TNKS: variants seen among roughly 807,000 people sequenced by gnomAD.
The protein encoded by TNKS is poly [ADP-ribose] polymerase tankyrase-1.
A neutral mutation model predicts 135.8 loss-of-function variants in TNKS; 72 were observed. That is an observed-to-expected ratio of 0.53 (90% confidence interval 0.44 to 0.64). The LOEUF is 0.64. Among genes scored for constraint, TNKS ranks in the 30% least tolerant of loss-of-function variants. TNKS has a pLI of 0.00. For synonymous variants in TNKS, 849 were observed against 649.3 expected (o/e 1.31, Z -4.68); for missense variants, 1,769 against 1,674.0 (o/e 1.06, Z -0.99).
intron 3 of TNKS, among the ~76,000 whole-genome samples, chr8:9,675,702 G>C (rs1163694637): frequency 6.6e-6 from 1 of 152,108 alleles, no homozygotes; most frequent in Non-Finnish European, 1.5e-5. Context: ...ATTACTATTT[G>C]TTACTCTCTC....
intron 3 of TNKS, among the ~76,000 whole-genome samples, chr8:9,655,921 G>C (rs1354960038): frequency 6.6e-6 from 1 of 152,150 alleles, no homozygotes; most frequent in African/African-American, 2.4e-5. Flanking sequence ...GAGAGAAGAA[G>C]GCTTCAGAAG....
At chr8:9,568,423 AT>A (rs1361973355) in intron 1 of TNKS, among the ~76,000 whole-genome samples, 1 of 152,218 alleles carries the variant, frequency 6.6e-6, no homozygotes, top group African/African-American at 2.4e-5. Flanking sequence ...ACTCTTAAAA[AT>A]AATTGAAATA....
At chr8:9,582,691 A>G (rs1798213757) in intron 2 of TNKS, among the ~76,000 whole-genome samples, 1 of 152,160 alleles carries the variant, frequency 6.6e-6, no homozygotes, top group African/African-American at 2.4e-5. Flanking sequence ...TCCTGAGAGG[A>G]TAAGCTAGTA....
chr8:9,748,518 A>G (rs760325823), intron 18 of TNKS, among the ~76,000 whole-genome samples: 12 of 152,154 alleles, frequency 7.9e-5, no homozygotes, highest in African/African-American at 1.4e-4. Context: ...TGTACCTTCT[A>G]TATTTGGCAT....
chr8:9,659,474 C>G (rs544838306), intron 3 of TNKS, among the ~76,000 whole-genome samples: 6 of 152,240 alleles, frequency 3.9e-5, no homozygotes, highest in African/African-American at 1.4e-4. Flanking sequence ...ACAACCTGCT[C>G]CCTAATGACT....
intron 5 of TNKS, among the ~76,000 whole-genome samples, chr8:9,694,941 C>G (rs1032559344): frequency 6.6e-6 from 1 of 152,092 alleles, no homozygotes; most frequent in African/African-American, 2.4e-5. Flanking sequence ...AGATGCTAGG[C>G]TATTCTGTCT....
At chr8:9,556,897 G>T in intron 1 of TNKS, 1 of 537,604 alleles carries the variant, frequency 1.9e-6, no homozygotes, top group Non-Finnish European at 3.3e-6. Flanking sequence ...TTACACTTTA[G>T]TTTTTGGTGT....
rs1157190225 is a variant in TNKS at position 9,677,850 on chromosome 8, C to T, written c.995-2101C>T. On this transcript the variant is annotated intron_variant, in intron 3 of 26. Coordinates refer to ENST00000310430, the MANE Select transcript of TNKS (RefSeq NM_003747.3). ...CCTTTGCTTCAGATACACAGAGCTACTTACAACCATTCCCCTTCTCCTTTC... is the reference window on the plus strand; with the variant it reads ...CCTTTGCTTCAGATACACAGAGCTATTTACAACCATTCCCCTTCTCCTTTC... 2.6e-5 allele frequency among the ~76,000 whole-genome samples: 4 copies of T among 152,282 alleles called. No homozygotes were observed. The East Asian group carries it at 7.7e-4, about 29-fold the overall frequency.
chr8:9,591,830 T>A (rs1458801951), intron 2 of TNKS, among the ~76,000 whole-genome samples: 7 of 152,188 alleles, frequency 4.6e-5, no homozygotes, highest in Non-Finnish European at 8.8e-5. Context: ...TAATAAGATT[T>A]CTGCTTGACA....
In TNKS at chr8:9,556,392, G is replaced by C; in HGVS notation, c.453G>C (p.Ala151=). 1 of 1,614,196 alleles carries C rather than the reference G, an allele frequency of 6.2e-7. No homozygotes were observed. The highest frequency in any genetic ancestry group is 8.5e-7 in the Non-Finnish European group (1 of 1,180,030). Residue 151 remains alanine (A), a synonymous_variant, in exon 1 of 27, where the codon GCG becomes GCC. Transcript: ENST00000310430. ...CATCCTCCCCTGGATCGAGCTTGGC[G>C]GAGAGCCCCGAGGCGGCCGGAGTTA... ...SSPSSPGSSL[A]ESPEAAGVSS...
chr8:9,669,974 A>T (rs1270834503), intron 3 of TNKS: 1 of 152,216 alleles, frequency 6.6e-6, no homozygotes, highest in African/African-American at 2.4e-5. Context: ...GCGTAATATT[A>T]GCTTCAAAAA....
intron 13 of TNKS, among the ~76,000 whole-genome samples, chr8:9,728,800 G>C (rs1420361596): frequency 1.3e-5 from 2 of 152,018 alleles, no homozygotes; most frequent in African/African-American, 4.8e-5. Context: ...GTGCATTTCC[G>C]TATAGAGTTG....
chr8:9,588,649 T>G (rs1265134718), intron 2 of TNKS, among the ~76,000 whole-genome samples: 2 of 152,232 alleles, frequency 1.3e-5, no homozygotes, highest in Non-Finnish European at 2.9e-5. Flanking sequence ...CATTTTAGGT[T>G]GAACTGAAGA....
intron 12 of TNKS, among the ~76,000 whole-genome samples, chr8:9,723,156 T>G (rs1415202398): frequency 6.7e-6 from 1 of 148,624 alleles, no homozygotes; most frequent in Non-Finnish European, 1.5e-5. Flanking sequence ...TCCAAAAGGT[T>G]TTTTTTTTTT....
chr8:9,562,576 A>G (rs28668310), intron 1 of TNKS, among the ~76,000 whole-genome samples: 37,903 of 152,064 alleles, frequency 0.25, 4,926 homozygotes, highest in East Asian at 0.39. Context: ...TCTATTATAG[A>G]CAGTATATAT....
chr8:9,647,674 C>G (rs764492124), intron 3 of TNKS, among the ~76,000 whole-genome samples: 1 of 152,144 alleles, frequency 6.6e-6, no homozygotes, highest in African/African-American at 2.4e-5. Context: ...GGTCTGTCTT[C>G]TTGTGTGACT....
At chr8:9,678,838 A>C (rs1367576458) in intron 3 of TNKS, among the ~76,000 whole-genome samples, 2 of 152,180 alleles carry the variant, frequency 1.3e-5, no homozygotes, top group Admixed American at 1.3e-4. Context: ...CTAATGTTTT[A>C]TTATATGAGC....
At chr8:9,710,490 T>A (rs756697793) in intron 11 of TNKS, 7 of 570,246 alleles carry the variant, frequency 1.2e-5, no homozygotes, top group Non-Finnish European at 2.2e-5. Flanking sequence ...CATCTTTACA[T>A]TACTTTCAGT....
intron 2 of TNKS, among the ~76,000 whole-genome samples, chr8:9,594,934 A>G (rs924965275): frequency 6.6e-6 from 1 of 152,224 alleles, no homozygotes; most frequent in Non-Finnish European, 1.5e-5. Context: ...TATATCATTT[A>G]TAAATGAGCT....
Sources: allele counts gnomAD v4.1 joint callset (sites outside exome capture counted in the v4.1 genomes callset), GRCh38; gene constraint gnomAD v4.1.1; transcripts MANE v1.5; gene names NCBI Gene and HGNC (gene_info 2026-07-23, HGNC 2026-07-21).